Variants in NNT observed in about 807,000 individuals in gnomAD.
The protein encoded by NNT is NAD(P) transhydrogenase, mitochondrial.
Under a neutral mutation model 104.8 loss-of-function variants are expected in NNT, and 50 were observed. The observed-to-expected ratio is 0.48, with a 90% CI of 0.38 to 0.60. NNT has a LOEUF of 0.60. NNT is among the 20% of genes least tolerant of loss of function. The pLI is 0.00. For missense variants in NNT, 1,131 were observed against 1,330.7 expected (o/e 0.85, Z 2.33); for synonymous variants, 461 against 490.4 (o/e 0.94, Z 0.79).
At chr5:43,667,316 C>T in intron 17 of NNT, 1 of 611,052 alleles carries the variant, frequency 1.6e-6, no homozygotes, top group South Asian at 1.9e-5. Context: ...TACATGTGCA[C>T]AACGTGCAGG....
intron 7 of NNT, among the ~76,000 whole-genome samples, chr5:43,639,694 G>A (rs1193179339): frequency 6.6e-6 from 1 of 152,090 alleles, no homozygotes; most frequent in Non-Finnish European, 1.5e-5. Context: ...GACTGTGAGA[G>A]CTTGATGTCC....
intron 4 of NNT, among the ~76,000 whole-genome samples, chr5:43,616,609 G>A (rs1358518917): frequency 6.6e-6 from 1 of 152,202 alleles, no homozygotes; most frequent in African/African-American, 2.4e-5. Context: ...CGACCTTTAA[G>A]GTCAAGATGG....
chr5:43,628,593 AT>A (rs902709615), intron 7 of NNT, among the ~76,000 whole-genome samples: 34 of 150,610 alleles, frequency 2.3e-4, no homozygotes, highest in Non-Finnish European at 2.5e-4. Context: ...CTGTGAAAAA[AT>A]TTTTTTTTTG....
In NNT at chr5:43,677,761, T is replaced by C. The variant is rs1554054013; in HGVS notation, c.2831T>C (p.Ile944Thr). 27 of 1,613,744 alleles carry C rather than the reference T, an allele frequency of 1.7e-5. No homozygotes were observed. The highest frequency in any genetic ancestry group is 2.3e-5 in the Non-Finnish European group (27 of 1,179,702). The change falls in exon 19 of 22, where the codon ATT (isoleucine) becomes ACT (threonine). Residue 944 changes from isoleucine to threonine, a missense_variant. Physicochemically the swap from Ile to Thr is moderately conservative, Grantham distance 89. Coordinates refer to ENST00000344920, the MANE Select transcript of NNT (RefSeq NM_182977.3). Reference sequence around the variant, plus strand: ...TGTGCAGCCAAAGCTCAATACCCCATTGCTGATTTGGTAAAGATGCTCACT... The same window carrying C: ...TGTGCAGCCAAAGCTCAATACCCCACTGCTGATTTGGTAAAGATGCTCACT... ...GLCAAKAQYP[I>T]ADLVKMLTEQ...
rs1159634143 is a variant in NNT, at chr5:43,706,228, T to C, written c.*1824T>C. On this transcript the variant is annotated 3_prime_UTR_variant, in exon 22 of 22. Coordinates refer to ENST00000344920, the MANE Select transcript of NNT (RefSeq NM_182977.3). ...TTAGGATATTTAAAGGATTTTTGTA[T>C]ATATAATTTCTTAAATTAATATTCC... The C allele has an allele frequency of 1.3e-5, 2 of 151,720 alleles. No individual in the cohort carries two copies. Among genetic ancestry groups the C allele is most frequent in the Non-Finnish European group, 2.9e-5 (2 of 67,870 alleles). The allele number at this position is 151,720 out of a possible 1,614,324, so 9.4% of individuals were successfully genotyped here. A position where few individuals can be genotyped will look rare whatever the true frequency, so the allele number is the denominator to read the frequency against.
At chr5:43,611,523 AT>A (rs1437468586) in intron 2 of NNT, among the ~76,000 whole-genome samples, 7 of 152,170 alleles carry the variant, frequency 4.6e-5, no homozygotes, top group African/African-American at 1.7e-4. Context: ...GTCAATCCAA[AT>A]ATTTGCCAGC....
intron 18 of NNT, among the ~76,000 whole-genome samples, chr5:43,676,448 T>C (rs986939739): frequency 6.6e-6 from 1 of 152,240 alleles, no homozygotes; most frequent in Non-Finnish European, 1.5e-5. Flanking sequence ...GAATTGAGTG[T>C]TAAAGTGTAA....
At chr5:43,676,843 C>A (rs541377136) in intron 18 of NNT, among the ~76,000 whole-genome samples, 6 of 151,894 alleles carry the variant, frequency 4.0e-5, no homozygotes, top group African/African-American at 1.2e-4. Context: ...TGTAGGGAGG[C>A]GACGATTTGT....
At chr5:43,644,865 T>C in intron 9 of NNT, 63 bp downstream of exon 9, 1 of 1,358,934 alleles carries the variant, frequency 7.4e-7, no homozygotes, top group Admixed American at 2.1e-5. Flanking sequence ...AATTTCTGTT[T>C]ATGGAAGAAT....
At chr5:43,626,282 T>G (rs1229577186) in intron 6 of NNT, among the ~76,000 whole-genome samples, 1 of 152,164 alleles carries the variant, frequency 6.6e-6, no homozygotes, top group Non-Finnish European at 1.5e-5. Flanking sequence ...TTATAAATAA[T>G]CTAGAGATGA....
intron 19 of NNT, among the ~76,000 whole-genome samples, chr5:43,694,778 G>GTGTA (rs1465884436): frequency 6.6e-6 from 1 of 151,064 alleles, no homozygotes. Flanking sequence ...GTGTGTGTGT[G>GTGTA]TGTCTGACAG....
At chr5:43,633,049 T>G (rs1167888702) in intron 7 of NNT, among the ~76,000 whole-genome samples, 1 of 152,194 alleles carries the variant, frequency 6.6e-6, no homozygotes, top group Non-Finnish European at 1.5e-5. Context: ...GTCCTATACC[T>G]TCCCAGCTCT....
At chr5:43,627,977 G>A (rs1461241994) in intron 6 of NNT, among the ~76,000 whole-genome samples, 2 of 152,102 alleles carry the variant, frequency 1.3e-5, no homozygotes, top group African/African-American at 4.8e-5. Context: ...CTAAGTAGAA[G>A]TTGGAATTCT....
At chr5:43,615,083 G>C (rs1319081322) in intron 3 of NNT, among the ~76,000 whole-genome samples, 8 of 151,968 alleles carry the variant, frequency 5.3e-5, no homozygotes, top group African/African-American at 1.9e-4. Context: ...CTTGCAGTGA[G>C]CCGAGATTGC....
chr5:43,648,448 C>G (rs1739569989), intron 10 of NNT: 1 of 159,724 alleles, frequency 6.3e-6, no homozygotes, highest in Non-Finnish European at 1.4e-5. Context: ...GATGTATGTT[C>G]AGAGCTGTTT....
At chr5:43,641,410 C>G (rs1751229704) in intron 7 of NNT, among the ~76,000 whole-genome samples, 1 of 151,912 alleles carries the variant, frequency 6.6e-6, no homozygotes. Flanking sequence ...TTCCCTGTAG[C>G]CCTTATTAAA....
At chr5:43,685,762 C>A (rs1366141360) in intron 19 of NNT, among the ~76,000 whole-genome samples, 1 of 152,092 alleles carries the variant, frequency 6.6e-6, no homozygotes, top group Non-Finnish European at 1.5e-5. Flanking sequence ...TCTTCAATAG[C>A]CTCACATGCC....
chr5:43,690,481 C>G (rs567714454), intron 19 of NNT, among the ~76,000 whole-genome samples: 2 of 152,268 alleles, frequency 1.3e-5, no homozygotes, highest in African/African-American at 4.8e-5. Flanking sequence ...TATTGGTGAT[C>G]TGGATTGAGA....
chr5:43,619,412 T>A (rs79032997), intron 5 of NNT, among the ~76,000 whole-genome samples: 2,105 of 152,190 alleles, frequency 0.014, 41 homozygotes, highest in African/African-American at 0.043. Context: ...TATTAATTTT[T>A]AAAAAAAACT....
Sources: gnomAD v4.1 joint callset for allele counts (sites outside exome capture counted in the v4.1 genomes callset) on GRCh38, gnomAD v4.1.1 for gene constraint, MANE v1.5 for transcripts, NCBI Gene and HGNC (gene_info 2026-07-23, HGNC 2026-07-21) for gene names.